The following RAD51B variants were observed in gnomAD, a reference collection of about 807,000 sequenced individuals.
The protein encoded by RAD51B is RAD51 paralog B, also known as DNA repair protein RAD51 homolog 2.
A neutral mutation model predicts 42.2 loss-of-function variants in RAD51B; 38 were observed. The ratio of observed to expected loss-of-function variants is 0.90; its 90% confidence interval spans 0.70 to 1.18. The LOEUF (loss-of-function observed/expected upper bound fraction) is 1.18. Ranked by LOEUF, RAD51B falls within the 50% of genes most tolerant of loss-of-function variation. The pLI, the probability that RAD51B is intolerant of heterozygous loss-of-function variation, is 0.00. For missense variants in RAD51B, 373 were observed against 400.7 expected, an observed-to-expected ratio of 0.93 and a Z score of 0.59; for synonymous variants, 154 against 145.2, an observed-to-expected ratio of 1.06 and a Z score of -0.43.
In RAD51B at chr14:67,843,120, C is replaced by T. The variant is rs568347697; in HGVS notation, c.315+7924C>T. 5.9e-5 allele frequency among the ~76,000 whole-genome samples: 9 copies of T among 151,288 alleles called. No homozygotes were observed. In the East Asian group the frequency reaches 1.6e-3, roughly 26 times the overall value. On this transcript the variant is annotated intron_variant, in intron 4 of 10. Transcript: ENST00000471583. ...CATCCATGTTCATCAGGGATATTGA[C>T]CTGATGCTTTCTTTTTTTTTTTCTT...
intron 7 of RAD51B, among the ~76,000 whole-genome samples, chr14:68,255,509 AC>A (rs1171849863): frequency 6.6e-6 from 1 of 152,174 alleles, no homozygotes; most frequent in African/African-American, 2.4e-5. Flanking sequence ...TCAAAGTCCC[AC>A]AAGGAGGGAC....
chr14:68,058,981 G>C (rs1165159398), intron 7 of RAD51B, among the ~76,000 whole-genome samples: 1 of 152,062 alleles, frequency 6.6e-6, no homozygotes, highest in East Asian at 1.9e-4. Flanking sequence ...AAAATACTTT[G>C]TTCTATCCCA....
intron 7 of RAD51B, among the ~76,000 whole-genome samples, chr14:68,002,067 TG>T (rs1405450681): frequency 1.3e-5 from 2 of 152,204 alleles, no homozygotes; most frequent in African/African-American, 4.8e-5. Flanking sequence ...TAAGCAGTAA[TG>T]GGATTGCTGG....
chr14:68,328,071 C>T (rs918359561), intron 8 of RAD51B, among the ~76,000 whole-genome samples: 2 of 152,104 alleles, frequency 1.3e-5, no homozygotes, highest in Admixed American at 1.3e-4. Context: ...TTCCTATATA[C>T]CTCAGGTACC....
At chr14:68,084,031 G>A (rs1232043467) in intron 7 of RAD51B, among the ~76,000 whole-genome samples, 2 of 152,204 alleles carry the variant, frequency 1.3e-5, no homozygotes, top group African/African-American at 4.8e-5. Context: ...GTGTGTGCAT[G>A]TTGGGGTATT....
intron 8 of RAD51B, among the ~76,000 whole-genome samples, chr14:68,395,727 T>C (rs531828635): frequency 1.3e-5 from 2 of 152,318 alleles, no homozygotes; most frequent in South Asian, 2.1e-4. Context: ...AGAGTGCCCA[T>C]GGTGCCTTCT....
At position 68,490,756 on chromosome 14, in the gene RAD51B, C is replaced by T. The variant is rs1241304454; in HGVS notation, c.1036+22506C>T. On this transcript the variant is annotated intron_variant, in intron 10 of 10. Coordinates refer to the RAD51B transcript ENST00000487270. ...AAGAGCGTGGGGTATGGAGGGAAAA[C>T]GTTGAGAGGGGAAGGGTGGAGAGCT... Among the ~76,000 whole-genome samples, 6 of 151,916 alleles carry T rather than the reference C, an allele frequency of 3.9e-5. 1 individual carries two copies. Among genetic ancestry groups the T allele is most frequent in the East Asian group, 1.9e-4 (1 of 5,192 alleles).
At chr14:68,674,552 T>A (rs1055841) in intron 11 of RAD51B, among the ~76,000 whole-genome samples, 17,965 of 152,150 alleles carry the variant, frequency 0.12, 1,198 homozygotes, top group Middle Eastern at 0.19. Context: ...TTTATTTTTT[T>A]ATTTCTATCC....
intron 10 of RAD51B, among the ~76,000 whole-genome samples, chr14:68,560,976 A>G (rs1418273384): frequency 6.6e-6 from 1 of 152,210 alleles, no homozygotes; most frequent in Non-Finnish European, 1.5e-5. Flanking sequence ...AGATTCAGGA[A>G]CGCCTGAAAT....
chr14:68,420,086 T>A (rs899847617), intron 9 of RAD51B, among the ~76,000 whole-genome samples: 1 of 152,254 alleles, frequency 6.6e-6, no homozygotes, highest in Non-Finnish European at 1.5e-5. Context: ...TCATCTCTAT[T>A]TTTACAAATA....
intron 7 of RAD51B, among the ~76,000 whole-genome samples, chr14:68,093,868 G>A (rs1458933050): frequency 6.6e-6 from 1 of 152,088 alleles, no homozygotes; most frequent in Non-Finnish European, 1.5e-5. Flanking sequence ...TGTACTGAGG[G>A]GTAGGATTGT....
At chr14:67,924,736 G>T (rs1464887686) in intron 7 of RAD51B, among the ~76,000 whole-genome samples, 1 of 152,140 alleles carries the variant, frequency 6.6e-6, no homozygotes, top group African/African-American at 2.4e-5. Flanking sequence ...GATGAAATTT[G>T]GTGGGGACAC....
intron 8 of RAD51B, among the ~76,000 whole-genome samples, chr14:68,389,385 C>T (rs1206813419): frequency 6.6e-6 from 1 of 151,970 alleles, no homozygotes; most frequent in East Asian, 1.9e-4. Context: ...AGTCATATAG[C>T]AGGTTCTCTT....
At chr14:67,945,983 C>T (rs1474493602) in intron 7 of RAD51B, among the ~76,000 whole-genome samples, 2 of 152,148 alleles carry the variant, frequency 1.3e-5, no homozygotes, top group Non-Finnish European at 2.9e-5. Flanking sequence ...AAAAGTCACT[C>T]CAGTTCAGGA....
chr14:68,056,494 G>A (rs1348108923), intron 7 of RAD51B, among the ~76,000 whole-genome samples: 2 of 151,884 alleles, frequency 1.3e-5, no homozygotes, highest in Non-Finnish European at 2.9e-5. Flanking sequence ...CATGCCTGTA[G>A]TTCCAGCACT....
At chr14:68,121,684 G>A (rs1179304918) in intron 7 of RAD51B, among the ~76,000 whole-genome samples, 1 of 152,044 alleles carries the variant, frequency 6.6e-6, no homozygotes, top group Non-Finnish European at 1.5e-5. Flanking sequence ...AAACTAGAAA[G>A]GAGGCATATT....
intron 7 of RAD51B, among the ~76,000 whole-genome samples, chr14:68,199,682 C>T (rs2079444074): frequency 6.6e-6 from 1 of 152,228 alleles, no homozygotes; most frequent in Non-Finnish European, 1.5e-5. Context: ...GTTCTTTGGT[C>T]CGAGACCCAA....
At chr14:68,025,715 G>A (rs962821600) in intron 7 of RAD51B, among the ~76,000 whole-genome samples, 2 of 151,748 alleles carry the variant, frequency 1.3e-5, no homozygotes, top group Non-Finnish European at 2.9e-5. Flanking sequence ...GGGATCAGTT[G>A]TAATGCCATC....
chr14:68,551,000 G>T (rs146342423), intron 10 of RAD51B, among the ~76,000 whole-genome samples: 2 of 152,188 alleles, frequency 1.3e-5, no homozygotes, highest in East Asian at 3.9e-4. Context: ...AGTGTGGAGG[G>T]GGTACAAAAG....
Sources: allele counts gnomAD v4.1 joint callset (sites outside exome capture counted in the v4.1 genomes callset), GRCh38; gene constraint gnomAD v4.1.1; transcripts MANE v1.5; gene names NCBI Gene and HGNC (gene_info 2026-07-23, HGNC 2026-07-21).